GUCY1B1: variants seen among roughly 807,000 people sequenced by gnomAD.
The protein encoded by GUCY1B1 is guanylate cyclase 1 soluble subunit beta 1.
In GUCY1B1, 43 loss-of-function variants were observed where a neutral mutation model predicts 71.0. That is an observed-to-expected ratio of 0.61 (90% CI 0.47 to 0.78). GUCY1B1 has a LOEUF of 0.78. Ranked by LOEUF, GUCY1B1 falls within the 30% of genes least tolerant of loss-of-function variation. The pLI, the probability that GUCY1B1 is intolerant of heterozygous loss-of-function variation, is 0.00. For synonymous variants in GUCY1B1, 266 were observed against 259.7 expected, an observed-to-expected ratio of 1.02 and a Z score of -0.23; for missense variants, 535 against 754.1, an observed-to-expected ratio of 0.71 and a Z score of 3.40.
chr4:155,759,359 G>A (rs1193151980), intron 1 of GUCY1B1: 4 of 563,650 alleles, frequency 7.1e-6, no homozygotes, highest in Non-Finnish European at 1.2e-5. Flanking sequence ...TTCCCAGGCG[G>A]GTTTGCCGCT....
intron 2 of GUCY1B1, among the ~76,000 whole-genome samples, chr4:155,768,057 T>C (rs1282074700): frequency 6.6e-6 from 1 of 152,126 alleles, no homozygotes; most frequent in African/African-American, 2.4e-5. Flanking sequence ...CTTGGAGCTG[T>C]CATTGGTCAG....
chr4:155,770,109 A>C (rs2111001039), intron 2 of GUCY1B1, among the ~76,000 whole-genome samples: 1 of 152,314 alleles, frequency 6.6e-6, no homozygotes, highest in African/African-American at 2.4e-5. Flanking sequence ...ATGGGATAGC[A>C]AAGTGGGAGA....
intron 4 of GUCY1B1, among the ~76,000 whole-genome samples, chr4:155,783,335 T>A (rs2111074426): frequency 6.6e-6 from 1 of 152,326 alleles, no homozygotes; most frequent in Non-Finnish European, 1.5e-5. Flanking sequence ...TTTACAGAGT[T>A]AAAATGCAAT....
chr4:155,759,512 G>A (rs972806556), intron 1 of GUCY1B1: 111 of 512,930 alleles, frequency 2.2e-4, no homozygotes, highest in African/African-American at 1.8e-3. Flanking sequence ...CGCTGCCCCC[G>A]ATGCCCAGCC....
intron 4 of GUCY1B1, among the ~76,000 whole-genome samples, chr4:155,785,893 A>C (rs1738728572): frequency 6.6e-6 from 1 of 152,204 alleles, no homozygotes; most frequent in African/African-American, 2.4e-5. Context: ...TAGTAAATTC[A>C]ATAACACAGT....
chr4:155,787,896 C>T (rs1433425481), intron 4 of GUCY1B1, among the ~76,000 whole-genome samples: 2 of 152,180 alleles, frequency 1.3e-5, no homozygotes, highest in African/African-American at 2.4e-5. Flanking sequence ...GAATGAAAGC[C>T]ATAGTTTAAT....
chr4:155,803,648 A>G lies in GUCY1B1; in HGVS notation c.1438A>G (p.Met480Val). ...GGTGGAGACTGTTGGTGACAAGTAT[A>G]TGACAGTGAGTGGTTTACCAGAGCC... Reference protein sequence around the residue: ...YKVETVGDKYMTVSGLPEPCI... With the variant: ...YKVETVGDKYVTVSGLPEPCI... Residue 480 changes from methionine to valine, a missense_variant, in exon 11 of 14, where the codon ATG becomes GTG. Met to Val is a conservative substitution (Grantham distance 21). Coordinates refer to ENST00000264424, the MANE Select transcript of GUCY1B1 (RefSeq NM_000857.5). 6.2e-7 allele frequency: 1 copy of G among 1,604,744 alleles called. No individual in the cohort carries two copies. The highest frequency in any genetic ancestry group is 8.5e-7 in the Non-Finnish European group (1 of 1,175,446).
At chr4:155,772,317 T>G (rs913044010) in intron 2 of GUCY1B1, among the ~76,000 whole-genome samples, 3 of 152,242 alleles carry the variant, frequency 2.0e-5, no homozygotes, top group African/African-American at 7.2e-5. Context: ...TTTAACTGCT[T>G]AGAATATACT....
At chr4:155,772,807 C>A in intron 2 of GUCY1B1, 1 of 701,444 alleles carries the variant, frequency 1.4e-6, no homozygotes, top group South Asian at 1.5e-5. Flanking sequence ...AAATGCAGAT[C>A]TCTGTGCTTA....
Position 155,805,096 on chromosome 4 carries a change from C to G in GUCY1B1, c.1710-7C>G. On this transcript the variant is annotated splice_polypyrimidine_tract_variant and splice_region_variant and intron_variant, in intron 12 of 13. Coordinates refer to ENST00000264424, the MANE Select transcript of GUCY1B1 (RefSeq NM_000857.5). ...TCTCTCTCTACTCCCCTTCCCTTGT[C>G]TTTTAGATGTCTTATGTCTCCAGAA... The G allele has an allele frequency of 6.2e-7, 1 of 1,610,084 alleles. No individual in the cohort carries two copies.
chr4:155,791,260 C>A (rs986367474), intron 5 of GUCY1B1, among the ~76,000 whole-genome samples: 1 of 151,064 alleles, frequency 6.6e-6, no homozygotes, highest in Admixed American at 6.6e-5. Context: ...GACTACAGGC[C>A]CCCACCACCA....
intron 2 of GUCY1B1, among the ~76,000 whole-genome samples, chr4:155,773,819 C>T (rs1446985082): frequency 2.0e-5 from 3 of 152,192 alleles, no homozygotes. Context: ...TCCCGAGTAG[C>T]TGGGACTACA....
At chr4:155,781,265 A>C (rs1246787382) in intron 4 of GUCY1B1, among the ~76,000 whole-genome samples, 1 of 152,234 alleles carries the variant, frequency 6.6e-6, no homozygotes, top group African/African-American at 2.4e-5. Context: ...TATCAGGATA[A>C]TACCTCTTTT....
At chr4:155,763,934 C>T (rs772838031) in intron 2 of GUCY1B1, among the ~76,000 whole-genome samples, 17 of 151,820 alleles carry the variant, frequency 1.1e-4, no homozygotes, top group African/African-American at 3.1e-4. Context: ...TTAAACTTTC[C>T]GTTCCCCAAT....
At chr4:155,795,795 TCA>T (rs1400559312) in intron 7 of GUCY1B1, among the ~76,000 whole-genome samples, 1 of 152,162 alleles carries the variant, frequency 6.6e-6, no homozygotes, top group Admixed American at 6.6e-5. Flanking sequence ...TTTTGGAACT[TCA>T]CTCAAAACCA....
rs536200819 is a variant in GUCY1B1 at position 155,768,171 on chromosome 4, C to T, written c.78-6797C>T. ...GTTCAGGCTCTCCCATTTCAAAATA[C>T]TCCATGGAAAACTTCTTTAACTGAA... On this transcript the variant is annotated intron_variant, in intron 2 of 13. Transcript: ENST00000264424. 6.6e-5 allele frequency among the ~76,000 whole-genome samples: 10 copies of T among 152,210 alleles called. No homozygotes were observed. In the South Asian group the frequency reaches 2.1e-3, roughly 32 times the overall value.
At chr4:155,799,248 T>C (rs1488598885) in intron 8 of GUCY1B1, among the ~76,000 whole-genome samples, 1 of 152,160 alleles carries the variant, frequency 6.6e-6, no homozygotes, top group Non-Finnish European at 1.5e-5. Context: ...TGATGACGCA[T>C]AAAATTCAGC....
At chr4:155,767,665 A>T (rs1195192882) in intron 2 of GUCY1B1, among the ~76,000 whole-genome samples, 1 of 152,110 alleles carries the variant, frequency 6.6e-6, no homozygotes, top group Non-Finnish European at 1.5e-5. Context: ...AAGGGGGTTC[A>T]GGCAGGAAGT....
intron 2 of GUCY1B1, among the ~76,000 whole-genome samples, chr4:155,773,457 G>C (rs1303677722): frequency 1.3e-5 from 2 of 152,120 alleles, no homozygotes; most frequent in Admixed American, 1.3e-4. Flanking sequence ...TACTGTGTAT[G>C]TTTTGAGCTA....
Sources: allele counts gnomAD v4.1 joint callset (sites outside exome capture counted in the v4.1 genomes callset), GRCh38; gene constraint gnomAD v4.1.1; transcripts MANE v1.5; gene names NCBI Gene and HGNC (gene_info 2026-07-23, HGNC 2026-07-21).